SLC2A9: variants seen among roughly 807,000 people sequenced by gnomAD.
SLC2A9 encodes solute carrier family 2, facilitated glucose transporter member 9.
In SLC2A9, 39 loss-of-function variants were observed where a neutral mutation model predicts 50.6. That is an observed-to-expected ratio of 0.77 (90% CI 0.60 to 1.01). The LOEUF (loss-of-function observed/expected upper bound fraction) is 1.01. SLC2A9 is among the 50% of genes least tolerant of loss of function. The pLI, the probability that SLC2A9 is intolerant of heterozygous loss-of-function variation, is 0.00. For missense variants in SLC2A9, 686 were observed against 677.6 expected (o/e 1.01, Z -0.14); for synonymous variants, 324 against 276.9 (o/e 1.17, Z -1.69).
rs777490863 is a variant in SLC2A9, at chr4:9,920,417, T to C, written c.970A>G (p.Met324Val). The change falls in exon 7 of 12, where the codon ATG (methionine) becomes GTG (valine). Residue 324 changes from methionine (M) to valine (V), a missense_variant. Met to Val is a conservative substitution (Grantham distance 21, BLOSUM62 1). Coordinates refer to ENST00000264784, the MANE Select transcript of SLC2A9 (RefSeq NM_020041.3). ...RWQVVTVIVT[M>V]ACYQLCGLNA... ...AGGCCACAGAGCTGGTAGCAGGCCA[T>C]GGTGACAATCACGGTGACCACCTGC... 2 of 1,614,122 alleles carry C rather than the reference T, an allele frequency of 1.2e-6. No individual in the cohort carries two copies. Among genetic ancestry groups the C allele is most frequent in the African/African-American group, 2.7e-5 (2 of 75,038 alleles).
Position 9,980,717 on chromosome 4 carries a change from G to A in SLC2A9, c.556C>T (p.Pro186Ser). The A allele has an allele frequency of 6.2e-7, 1 of 1,614,170 alleles. No homozygotes were observed. Among genetic ancestry groups the A allele is most frequent in the South Asian group, 1.1e-5 (1 of 91,074 alleles). The stretch of plus-strand genomic sequence containing the variant: ...GGTGAGATCTCACTAAGGTACATGG[G>A]GAGCACACTGAGGGCGACGCCTGTA... ...IDGGVALSVLPMYLSEISPKE... is the reference protein window; with the variant it reads ...IDGGVALSVLSMYLSEISPKE... Residue 186 changes from proline (P) to serine (S), a missense_variant, in exon 5 of 12, where the codon CCC (proline) becomes TCC (serine). Transcript: ENST00000264784.
intron 5 of SLC2A9, among the ~76,000 whole-genome samples, chr4:9,965,732 T>C (rs1318937149): frequency 6.6e-6 from 1 of 152,274 alleles, no homozygotes; most frequent in Non-Finnish European, 1.5e-5. Flanking sequence ...TTTTTACATT[T>C]GATTCTTAAA....
chr4:9,905,683 T>C (rs1740536671), intron 8 of SLC2A9, among the ~76,000 whole-genome samples: 1 of 152,206 alleles, frequency 6.6e-6, no homozygotes, highest in Non-Finnish European at 1.5e-5. Context: ...CTGGAATGAA[T>C]AAGAATGGCT....
chr4:10,020,746 C>T (rs919956225), intron 1 of SLC2A9, among the ~76,000 whole-genome samples: 3 of 152,224 alleles, frequency 2.0e-5, no homozygotes, highest in African/African-American at 4.8e-5. Context: ...TTAGAGGACA[C>T]AAACTCCTCC....
chr4:9,872,923 G>A (rs1733693026), intron 10 of SLC2A9, among the ~76,000 whole-genome samples: 1 of 152,172 alleles, frequency 6.6e-6, no homozygotes, highest in Non-Finnish European at 1.5e-5. Context: ...TCAGTGCATT[G>A]ACTTTTGATG....
intron 11 of SLC2A9, among the ~76,000 whole-genome samples, chr4:9,829,929 T>G (rs866347996): frequency 2.5e-4 from 38 of 152,332 alleles, no homozygotes; most frequent in Admixed American, 2.0e-3. Flanking sequence ...TTTAAATTAG[T>G]TCAATCATTG....
chr4:9,974,932 G>C (rs1387695147), intron 5 of SLC2A9, among the ~76,000 whole-genome samples: 1 of 152,160 alleles, frequency 6.6e-6, no homozygotes, highest in African/African-American at 2.4e-5. Context: ...ACAGAATGGA[G>C]AACACAGAAG....
intron 5 of SLC2A9, among the ~76,000 whole-genome samples, chr4:9,962,484 G>T (rs138915670): frequency 6.6e-6 from 1 of 152,088 alleles, no homozygotes; most frequent in African/African-American, 2.4e-5. Flanking sequence ...ACCAAACACT[G>T]CATGTTCTCA....
At chr4:10,031,542 T>C (rs913181720) in intron 1 of SLC2A9, among the ~76,000 whole-genome samples, 2 of 152,224 alleles carry the variant, frequency 1.3e-5, no homozygotes, top group African/African-American at 4.8e-5. Context: ...AGTCAGAAGA[T>C]GAGTCTTTGA....
At chr4:9,825,114 G>T (rs1477352690), downstream of SLC2A9, among the ~76,000 whole-genome samples, 1 of 152,208 alleles carries the variant, frequency 6.6e-6, no homozygotes, top group Non-Finnish European at 1.5e-5. Flanking sequence ...ACTCCTATGA[G>T]ATACCAAATT....
At chr4:9,782,225 G>A (rs756703093) in intron 3 of SLC2A9, 10 of 1,612,968 alleles carry the variant, frequency 6.2e-6, no homozygotes, top group East Asian at 2.2e-5. Flanking sequence ...CGCAGCCATC[G>A]TGCGGAGCCG....
chr4:9,885,094 C>T (rs1003594357), intron 10 of SLC2A9, among the ~76,000 whole-genome samples: 2 of 151,976 alleles, frequency 1.3e-5, no homozygotes, highest in African/African-American at 4.8e-5. Flanking sequence ...TAATTGCTGT[C>T]GATAAGTACA....
chr4:9,782,194 G>A, intron 3 of SLC2A9: 1 of 1,609,070 alleles, frequency 6.2e-7, no homozygotes. Flanking sequence ...TCTGGACCCT[G>A]CTGGGCAACG....
chr4:9,907,205 TG>T (rs1740841659), intron 8 of SLC2A9, among the ~76,000 whole-genome samples: 1 of 152,236 alleles, frequency 6.6e-6, no homozygotes, highest in Non-Finnish European at 1.5e-5. Flanking sequence ...CTGTGTGCTG[TG>T]TGCCCAAAAT....
At chr4:9,804,479 C>A (rs1721866363) in intron 3 of SLC2A9, among the ~76,000 whole-genome samples, 1 of 152,044 alleles carries the variant, frequency 6.6e-6, no homozygotes, top group South Asian at 2.1e-4. Flanking sequence ...ACCTTCTGTT[C>A]TGGGAGGATG....
chr4:9,920,693 T>C, intron 6 of SLC2A9, 121 bp from the exon 7 acceptor site: 1 of 1,157,050 alleles, frequency 8.6e-7, no homozygotes, highest in Admixed American at 1.9e-5. Flanking sequence ...GGGCGGAACT[T>C]GGCAGGGGCC....
At position 9,771,675 on chromosome 4, in the gene SLC2A9, C is replaced by A. The variant is rs1030037288; in HGVS notation, n.182-306G>T. Among the ~76,000 whole-genome samples the A allele has an allele frequency of 3.3e-5, 5 of 152,208 alleles. No homozygotes were observed. The South Asian group carries it at 6.2e-4, about 19-fold the overall frequency. On this transcript the variant is annotated intron_variant and non_coding_transcript_variant, in intron 1 of 1. Transcript: ENST00000508585. Reference sequence around the variant, plus strand: ...GAAAGAAAGGTAAGTCAGCACCGAGCGAACAGATCATTCACTTCAGTGGGC... The same window carrying A: ...GAAAGAAAGGTAAGTCAGCACCGAGAGAACAGATCATTCACTTCAGTGGGC...
At chr4:9,824,323 A>T (rs999047687), downstream of SLC2A9, among the ~76,000 whole-genome samples, 5 of 145,536 alleles carry the variant, frequency 3.4e-5, no homozygotes, top group Non-Finnish European at 7.6e-5. Context: ...AAAAAAAAAA[A>T]GTTTGTTTGT....
chr4:9,980,663 C>A lies in SLC2A9; in HGVS notation c.610G>T (p.Val204Leu). ...PKEIRGSLGQ[V>L]TAIFICIGVF... ...CCAATGCAGATAAAGATGGCAGTCA[C>A]CTGCCCCAGAGAGCCACGGATCTCC... The change falls in exon 5 of 12, where the codon GTG becomes TTG. Residue 204 changes from valine to leucine, a missense_variant. By Grantham distance (32) the Val-to-Leu change is conservative. Coordinates refer to ENST00000264784, the MANE Select transcript of SLC2A9 (RefSeq NM_020041.3). The A allele has an allele frequency of 6.2e-7, 1 of 1,614,158 alleles. No homozygotes were observed. Among genetic ancestry groups the A allele is most frequent in the Non-Finnish European group, 8.5e-7 (1 of 1,180,030 alleles).
Sources: allele counts gnomAD v4.1 joint callset (sites outside exome capture counted in the v4.1 genomes callset), GRCh38; gene constraint gnomAD v4.1.1; transcripts MANE v1.5; gene names NCBI Gene and HGNC (gene_info 2026-07-23, HGNC 2026-07-21).